The following RUSF1 variants were observed in gnomAD, a reference collection of about 807,000 sequenced individuals.
RUSF1 encodes the protein RUS family member 1, also known as RUS1 family protein C16orf58.
Under a neutral mutation model 63.0 loss-of-function variants are expected in RUSF1, and 58 were observed. That is an observed-to-expected ratio of 0.92 (90% CI 0.75 to 1.15). The LOEUF (loss-of-function observed/expected upper bound fraction) is 1.15, where lower values mean the gene tolerates loss of function less well. Ranked by LOEUF, RUSF1 falls within the 50% of genes most tolerant of loss-of-function variation. The probability of loss-of-function intolerance (pLI) is 0.00; values close to 1 mark genes in which losing one functional copy is unlikely to be tolerated. For synonymous variants in RUSF1, 274 were observed against 255.8 expected (o/e 1.07, Z -0.68); for missense variants, 652 against 611.0 (o/e 1.07, Z -0.71).
chr16:31,507,652 C>T, intron 2 of RUSF1, 112 bp downstream of exon 2: 1 of 987,432 alleles, frequency 1.0e-6, no homozygotes. Flanking sequence ...ACTGGGGAGA[C>T]CTGCCTGAAT....
chr16:31,504,882 G>A (rs1164352182), intron 2 of RUSF1, among the ~76,000 whole-genome samples: 1 of 152,168 alleles, frequency 6.6e-6, no homozygotes, highest in Non-Finnish European at 1.5e-5. Flanking sequence ...AGAGATCTAG[G>A]GCGGTGCAGG....
chr16:31,492,906 G>T, intron 10 of RUSF1, 72 bp downstream of exon 10: 2 of 1,478,024 alleles, frequency 1.4e-6, no homozygotes, highest in Non-Finnish European at 1.8e-6. Context: ...AGAGCTCGGG[G>T]CCCTAGGTTG....
At position 31,490,477 on chromosome 16, in the gene RUSF1, A is replaced by G. The variant is rs61742739; in HGVS notation, c.*358T>C. 11,339 of 1,613,962 alleles carry G rather than the reference A, an allele frequency of 7.0e-3. 65 individuals carry two copies. Among genetic ancestry groups the G allele is most frequent in the Non-Finnish European group, 8.1e-3 (9,581 of 1,179,978 alleles). ...GACCCGAGCTGGGCCCGTGTGGTCA[A>G]CCTCAATGCCCTGCTCATGATGGCA... On this transcript the variant is annotated 3_prime_UTR_variant, in exon 13 of 13. Coordinates refer to ENST00000327237, the MANE Select transcript of RUSF1 (RefSeq NM_022744.4).
In RUSF1 at chr16:31,490,437, G is replaced by T. The variant is rs149843540; in HGVS notation, c.*398C>A. ...GGCAGCGGCAGCAGCCAGGCGGCTGGAGGACATCAGCGAGGACCCGAGCTG... is the reference window on the plus strand; with the variant it reads ...GGCAGCGGCAGCAGCCAGGCGGCTGTAGGACATCAGCGAGGACCCGAGCTG... On this transcript the variant is annotated 3_prime_UTR_variant, in exon 13 of 13. Coordinates refer to ENST00000327237, the MANE Select transcript of RUSF1 (RefSeq NM_022744.4). 1.9e-6 allele frequency: 3 copies of T among 1,613,892 alleles called. No homozygotes were observed. Among genetic ancestry groups the T allele is most frequent in the Non-Finnish European group, 2.5e-6 (3 of 1,179,992 alleles).
chr16:31,493,847 C>T lies in RUSF1; in HGVS notation c.773+19G>A. 1 of 1,614,180 alleles carries T rather than the reference C, an allele frequency of 6.2e-7. No homozygotes were observed. Among genetic ancestry groups the T allele is most frequent in the Non-Finnish European group, 8.5e-7 (1 of 1,180,022 alleles). On this transcript the variant is annotated intron_variant, in intron 7 of 12. Transcript: ENST00000327237. ...GAGGCCCAGCTGGGGTTCTCCTGCC[C>T]ACCCTGCTTCCGGCTTACCCAGGGC...
At chr16:31,501,629 T>G (rs1596630237) in intron 2 of RUSF1, among the ~76,000 whole-genome samples, 2 of 149,138 alleles carry the variant, frequency 1.3e-5, no homozygotes, top group African/African-American at 2.5e-5. Context: ...GAACTGCAGC[T>G]GGGGTTGCAC....
chr16:31,504,667 C>G (rs1331647764), intron 2 of RUSF1, among the ~76,000 whole-genome samples: 3 of 152,342 alleles, frequency 2.0e-5, no homozygotes, highest in Admixed American at 2.0e-4. Context: ...CCAGTAGAAA[C>G]AGCCGATGGT....
At chr16:31,498,369 G>C (rs1323887218) in intron 5 of RUSF1, among the ~76,000 whole-genome samples, 3 of 152,282 alleles carry the variant, frequency 2.0e-5, no homozygotes, top group African/African-American at 7.2e-5. Flanking sequence ...CCCTGTTTAG[G>C]GGTGCTCGTA....
chr16:31,495,679 A>G (rs896838030), intron 6 of RUSF1, among the ~76,000 whole-genome samples: 1 of 151,940 alleles, frequency 6.6e-6, no homozygotes. Context: ...CAGCCTGTGG[A>G]CTTAGGTTCA....
At chr16:31,496,445 G>A (rs1484568890) in intron 6 of RUSF1, among the ~76,000 whole-genome samples, 1 of 152,106 alleles carries the variant, frequency 6.6e-6, no homozygotes, top group Non-Finnish European at 1.5e-5. Flanking sequence ...CCAACTCCAG[G>A]CTCCCTAGGG....
intron 11 of RUSF1, 42 bp downstream of exon 11, chr16:31,492,155 C>T: frequency 6.2e-7 from 1 of 1,611,820 alleles, no homozygotes; most frequent in Non-Finnish European, 8.5e-7. Flanking sequence ...CTCTCTCCTC[C>T]CCACCCTGAG....
In RUSF1 at chr16:31,490,878, C is replaced by T. The variant is rs1471840625; in HGVS notation, c.1364G>A (p.Trp455Ter). 1 of 1,614,064 alleles carries T rather than the reference C, an allele frequency of 6.2e-7. No individual in the cohort carries two copies. Among genetic ancestry groups the T allele is most frequent in the Non-Finnish European group, 8.5e-7 (1 of 1,180,048 alleles). Residue 455 changes from tryptophan to a stop codon, truncating the protein, a stop_gained, in exon 13 of 13, where the codon TGG (tryptophan) becomes TAG (stop). Transcript: ENST00000327237. LOFTEE classifies it high-confidence loss of function. ...GGGAGACAGAAGCCATGTGGCCCTC[C>T]ACTCATCCACCTCTAGCTGGTGCTT... is the stretch of plus-strand genomic sequence containing the variant. Reference protein sequence around the residue: ...TEKHQLEVDEWRATWLLSPEK... With the variant: ...TEKHQLEVDE
At position 31,507,824 on chromosome 16, in the gene RUSF1, T is replaced by G. The variant is rs1336070099; in HGVS notation, c.355A>C (p.Ile119Leu). 5.1e-6 allele frequency: 8 copies of G among 1,579,104 alleles called. No homozygotes were observed. The highest frequency in any genetic ancestry group is 6.9e-6 in the Non-Finnish European group (8 of 1,162,072). The change falls in exon 2 of 13, where the codon ATA (isoleucine) becomes CTA (leucine). Residue 119 changes from isoleucine to leucine, a missense_variant. Physicochemically the swap from Ile to Leu is conservative, Grantham distance 5 (BLOSUM62 2). Coordinates refer to ENST00000327237, the MANE Select transcript of RUSF1 (RefSeq NM_022744.4). Reference sequence around the variant, plus strand: ...GTGGCTTTTGCGTTCCCCACCCCTATGCCCAGCAAGACTGCCTGGGTGGCT... The same window carrying G: ...GTGGCTTTTGCGTTCCCCACCCCTAGGCCCAGCAAGACTGCCTGGGTGGCT... ...SLATQAVLLG[I>L]GVGNAKATVS... is the part of the protein sequence containing the mutation.
rs879559461 is a variant in RUSF1 at position 31,500,698 on chromosome 16, G to A, written c.449C>T (p.Ala150Val). Residue 150 changes from alanine to valine, a missense_variant, in exon 3 of 13, where the codon GCC (alanine) becomes GTC (valine). Physicochemically the swap from Ala to Val is moderately conservative, Grantham distance 64. Coordinates refer to ENST00000327237, the MANE Select transcript of RUSF1 (RefSeq NM_022744.4). The part of the protein sequence containing the change: ...STGMLGRIVF[A>V]WWKGSKLDCN... ...AAGACAAACTCACCCTTTCCACCAG[G>A]CAAAGACGATGCGGCCCAGCATGCC... 2 of 1,612,586 alleles carry A rather than the reference G, an allele frequency of 1.2e-6. No homozygotes were observed. Among genetic ancestry groups the A allele is most frequent in the Non-Finnish European group, 1.7e-6 (2 of 1,179,090 alleles).
intron 5 of RUSF1, 125 bp from the exon 6 acceptor site, chr16:31,497,075 C>G: frequency 4.3e-6 from 3 of 695,594 alleles, no homozygotes; most frequent in Admixed American, 2.6e-5. Context: ...ATCTAGTTCT[C>G]ACCTTGATGC....
chr16:31,493,990 G>A, intron 6 of RUSF1, 54 bp from the exon 7 acceptor site: 1 of 1,554,790 alleles, frequency 6.4e-7, no homozygotes, highest in Non-Finnish European at 8.8e-7. Flanking sequence ...AGGCCAGACT[G>A]AGTGCCCGAG....
Position 31,490,977 on chromosome 16 carries a change from G to C in RUSF1, c.1310-45C>G. ...TGCTGCCGGGAATGCTGGGGACAAG[G>C]GTAAGGAGAGGCACAGGCTGGGTGC... On this transcript the variant is annotated intron_variant, in intron 12 of 12. Transcript: ENST00000327237. 4 of 1,583,480 alleles carry C rather than the reference G, an allele frequency of 2.5e-6. No individual in the cohort carries two copies. In the South Asian group the frequency reaches 3.3e-5, roughly 13 times the overall value.
chr16:31,493,816 T>G (rs1456944212), intron 7 of RUSF1, 29 bp from the exon 8 acceptor site: 1 of 1,614,004 alleles, frequency 6.2e-7, no homozygotes. Context: ...GTAGCTGAAG[T>G]GGGCAGAGGC....
In RUSF1 at chr16:31,493,475, C is replaced by A; in HGVS notation, c.1008G>T (p.Leu336Phe). 1.2e-6 allele frequency: 2 copies of A among 1,606,180 alleles called. No homozygotes were observed. Among genetic ancestry groups the A allele is most frequent in the Non-Finnish European group, 1.7e-6 (2 of 1,176,346 alleles). Residue 336 changes from leucine to phenylalanine, a missense_variant, in exon 9 of 13, where the codon TTG (leucine) becomes TTT (phenylalanine). Physicochemically the swap from Leu to Phe is conservative, Grantham distance 22. Transcript: ENST00000327237. ...GACGCTAGGCCACTCACCTGGAGAC[C>A]AAGCGGTGTAAGGGGACCCCCAGGG... ...SLSLGVPLHR[L>F]VSSVFELQQL...
Sources: gnomAD v4.1 joint callset for allele counts (sites outside exome capture counted in the v4.1 genomes callset) on GRCh38, gnomAD v4.1.1 for gene constraint, MANE v1.5 for transcripts, NCBI Gene and HGNC (gene_info 2026-07-23, HGNC 2026-07-21) for gene names.